CHST11: variants seen among roughly 807,000 people sequenced by gnomAD.
CHST11 encodes the protein C4S-1.
In CHST11, 9 loss-of-function variants were observed where a neutral mutation model predicts 30.4. The ratio of observed to expected loss-of-function variants is 0.30; its 90% CI spans 0.18 to 0.52. The LOEUF (loss-of-function observed/expected upper bound fraction) is 0.52, where lower values mean the gene tolerates loss of function less well. CHST11 is among the 20% of genes least tolerant of loss of function. CHST11 has a pLI of 0.97. For synonymous variants in CHST11, 152 were observed against 187.8 expected (o/e 0.81, Z 1.56); for missense variants, 348 against 460.6 (o/e 0.76, Z 2.24).
chr12:104,627,155 C>T (rs908443498), intron 2 of CHST11, among the ~76,000 whole-genome samples: 3 of 152,286 alleles, frequency 2.0e-5, no homozygotes, highest in East Asian at 1.9e-4. Context: ...TTCTCCATGT[C>T]TTTGCATGGC....
chr12:104,493,187 C>T (rs1017216034), intron 1 of CHST11, among the ~76,000 whole-genome samples: 5 of 152,324 alleles, frequency 3.3e-5, no homozygotes, highest in African/African-American at 1.2e-4. Flanking sequence ...AAATGGTGCA[C>T]GATGGCTCAG....
chr12:104,584,261 CTTTT>C (rs34673490), intron 1 of CHST11, among the ~76,000 whole-genome samples: 3 of 136,786 alleles, frequency 2.2e-5, no homozygotes, highest in African/African-American at 8.1e-5. Flanking sequence ...TCTCTTTCTT[CTTTT>C]TTTTTTTTTT....
At chr12:104,576,836 G>A (rs1274763602) in intron 1 of CHST11, among the ~76,000 whole-genome samples, 3 of 152,180 alleles carry the variant, frequency 2.0e-5, no homozygotes, top group Admixed American at 6.5e-5. Context: ...ACCACTCCAG[G>A]CTGCGCTGAG....
At chr12:104,750,065 T>C (rs760396782) in intron 2 of CHST11, among the ~76,000 whole-genome samples, 5 of 152,176 alleles carry the variant, frequency 3.3e-5, no homozygotes, top group Admixed American at 1.3e-4. Flanking sequence ...CCTGTGTTCA[T>C]TGATGTTCTT....
rs1461320890 is a variant in CHST11 at position 104,601,964 on chromosome 12, C to A, written c.177C>A (p.Pro59=). 1 of 1,614,064 alleles carries A rather than the reference C, an allele frequency of 6.2e-7. No homozygotes were observed. The highest frequency in any genetic ancestry group is 8.5e-7 in the Non-Finnish European group (1 of 1,179,976). Residue 59 remains proline (P), a synonymous_variant, in exon 2 of 3, where the codon CCC becomes CCA. Coordinates refer to ENST00000303694, the MANE Select transcript of CHST11 (RefSeq NM_018413.6). ...GCTGCCGGAAGGGGTCCCGAAGCCC[C>A]CTGCAGGAACTCTACAACCCAATCC... The part of the protein sequence containing the change: ...DICCRKGSRS[P]LQELYNPIQL...
chr12:104,737,196 C>G (rs1024722656), intron 2 of CHST11, among the ~76,000 whole-genome samples: 1 of 152,260 alleles, frequency 6.6e-6, no homozygotes, highest in Admixed American at 6.5e-5. Context: ...CCAGAAGCCA[C>G]GTAGATCTGG....
Position 104,595,459 on chromosome 12 carries a change from C to G in CHST11, c.119-6447C>G, listed in dbSNP as rs559611371. ...CTTGACTCCCCAAACCTGAGCAATT[C>G]TAGGGCTTGTTTAACCCATGGTTCT... On this transcript the variant is annotated intron_variant, in intron 1 of 2. Transcript: ENST00000303694. Among the ~76,000 whole-genome samples the G allele has an allele frequency of 5.3e-5, 8 of 152,288 alleles. 1 individual carries two copies. Among genetic ancestry groups the G allele is most frequent in the African/African-American group, 1.9e-4 (8 of 41,554 alleles).
At chr12:104,740,250 T>C (rs868609729) in intron 2 of CHST11, among the ~76,000 whole-genome samples, 2 of 152,212 alleles carry the variant, frequency 1.3e-5, no homozygotes, top group Non-Finnish European at 2.9e-5. Flanking sequence ...ACTCACTTCT[T>C]TTTAGTTTTA....
intron 2 of CHST11, among the ~76,000 whole-genome samples, chr12:104,707,591 C>T (rs1329224958): frequency 4.6e-5 from 7 of 152,074 alleles, no homozygotes; most frequent in Non-Finnish European, 7.4e-5. Flanking sequence ...TAAACCTAGT[C>T]GCATAAAGTT....
intron 2 of CHST11, among the ~76,000 whole-genome samples, chr12:104,629,746 C>G (rs548344825): frequency 6.6e-6 from 1 of 152,286 alleles, no homozygotes; most frequent in African/African-American, 2.4e-5. Context: ...TGCTTGAACC[C>G]AGGAGGTGGA....
chr12:104,544,769 T>TCCCCCCCCGCGC lies in CHST11; in HGVS notation c.119-57131_119-57130insCCGCGCCCCCCC, dbSNP rs199741884. 5.8e-5 allele frequency among the ~76,000 whole-genome samples: 3 copies of TCCCCCCCCGCGC among 51,482 alleles called. No homozygotes were observed. In the South Asian group the frequency reaches 4.4e-3, roughly 76 times the overall value. The allele number at this position is 51,482 out of a possible 152,430, so 33.8% of individuals were successfully genotyped here. ...CAATGATGTGCCCTGGGGGTCACAGTCCCCCCACCCCGGAGATAATGGATT... is the reference window on the plus strand; with the variant it reads ...CAATGATGTGCCCTGGGGGTCACAGTCCCCCCCCGCGCCCCCCCACCCCGGAGATAATGGATT... On this transcript the variant is annotated intron_variant, in intron 1 of 2. Coordinates refer to ENST00000303694, the MANE Select transcript of CHST11 (RefSeq NM_018413.6).
At chr12:104,579,684 C>T (rs2038720645) in intron 1 of CHST11, among the ~76,000 whole-genome samples, 4 of 152,200 alleles carry the variant, frequency 2.6e-5, no homozygotes, top group African/African-American at 7.2e-5. Flanking sequence ...GTGTATTCCT[C>T]AGCAGCCCGG....
chr12:104,751,335 G>A lies in CHST11; in HGVS notation c.205-5614G>A, dbSNP rs1055082880. Among the ~76,000 whole-genome samples, 3 of 152,284 alleles carry A rather than the reference G, an allele frequency of 2.0e-5. No individual in the cohort carries two copies. The South Asian group carries it at 6.2e-4, about 32-fold the overall frequency. ...AGAATTGTCCTTAGTGATTCAAATG[G>A]CAGAATTGATGGGCCCTGTTTCCTT... On this transcript the variant is annotated intron_variant, in intron 2 of 2. Transcript: ENST00000303694.
chr12:104,579,607 A>G (rs1441670123), intron 1 of CHST11, among the ~76,000 whole-genome samples: 1 of 152,186 alleles, frequency 6.6e-6, no homozygotes, highest in Non-Finnish European at 1.5e-5. Flanking sequence ...ATTTCAAGAG[A>G]ATGATACATG....
rs565106897 is a variant in CHST11, at chr12:104,680,708, C to CA, written c.205-76240dup. 2.0e-3 allele frequency among the ~76,000 whole-genome samples: 301 copies of CA among 152,340 alleles called. 1 individual carries two copies. Among genetic ancestry groups the CA allele is most frequent in the Non-Finnish European group, 2.8e-3 (188 of 68,038 alleles). On this transcript the variant is annotated intron_variant, in intron 2 of 2. Coordinates refer to ENST00000303694, the MANE Select transcript of CHST11 (RefSeq NM_018413.6). ...AATCCCTCCTCCTCTGGTATGTGCC[C>CA]ACCCAAACCACGTTTGAAATCATCA...
At chr12:104,599,110 G>T (rs530670596) in intron 1 of CHST11, among the ~76,000 whole-genome samples, 1 of 152,274 alleles carries the variant, frequency 6.6e-6, no homozygotes, top group South Asian at 2.1e-4. Context: ...GAAACGGTGG[G>T]GTTGTTATCA....
chr12:104,580,400 A>G (rs1038399655), intron 1 of CHST11, among the ~76,000 whole-genome samples: 3 of 152,334 alleles, frequency 2.0e-5, no homozygotes, highest in Non-Finnish European at 4.4e-5. Flanking sequence ...ATTAGATTAG[A>G]TGTTAGGCTG....
chr12:104,699,836 C>T (rs1321100976), intron 2 of CHST11, among the ~76,000 whole-genome samples: 4 of 152,170 alleles, frequency 2.6e-5, no homozygotes, highest in Admixed American at 1.3e-4. Context: ...TCAGCAGGGG[C>T]GGGAAATGAT....
chr12:104,709,214 C>T (rs2040063242), intron 2 of CHST11, among the ~76,000 whole-genome samples: 1 of 152,228 alleles, frequency 6.6e-6, no homozygotes, highest in Non-Finnish European at 1.5e-5. Flanking sequence ...CCTGGCCCTC[C>T]TGTGGGGACC....
Sources: gnomAD v4.1 joint callset for allele counts (sites outside exome capture counted in the v4.1 genomes callset) on GRCh38, gnomAD v4.1.1 for gene constraint, MANE v1.5 for transcripts, NCBI Gene and HGNC (gene_info 2026-07-23, HGNC 2026-07-21) for gene names.